CRTAC1: variants seen among roughly 807,000 people sequenced by gnomAD.
The protein encoded by CRTAC1 is acidic secreted protein in cartilage.
In CRTAC1, 37 loss-of-function variants were observed where a neutral mutation model predicts 67.8. The ratio of observed to expected loss-of-function variants is 0.55; its 90% CI spans 0.42 to 0.72. The LOEUF is 0.72. CRTAC1 is among the 30% of genes least tolerant of loss of function. The pLI is 0.00. For missense variants in CRTAC1, 780 were observed against 931.6 expected (o/e 0.84, Z 2.12); for synonymous variants, 348 against 371.0 (o/e 0.94, Z 0.71).
At chr10:98,013,520 T>C (rs1254564050) in intron 1 of CRTAC1, among the ~76,000 whole-genome samples, 4 of 152,330 alleles carry the variant, frequency 2.6e-5, no homozygotes, top group Admixed American at 2.0e-4. Flanking sequence ...TAAAGCAAGA[T>C]GAGAAAGAAA....
chr10:97,977,495 G>A (rs1334238145), intron 2 of CRTAC1, among the ~76,000 whole-genome samples: 1 of 150,456 alleles, frequency 6.6e-6, no homozygotes. Flanking sequence ...TGGTAACAGT[G>A]GCTACTGCAA....
At chr10:97,867,600 C>T (rs2050043559) in intron 14 of CRTAC1, 1 of 152,448 alleles carries the variant, frequency 6.6e-6, no homozygotes, top group Admixed American at 6.5e-5. Flanking sequence ...ACCGCAGCCC[C>T]TGGCCACGGC....
chr10:97,878,491 T>G, intron 14 of CRTAC1: 1 of 796,732 alleles, frequency 1.3e-6, no homozygotes, highest in South Asian at 2.3e-5. Flanking sequence ...GTTGCTGCAT[T>G]CTTAAGTGTA....
At chr10:97,923,106 A>G (rs2050864017) in intron 4 of CRTAC1, among the ~76,000 whole-genome samples, 158 bp downstream of exon 4, 1 of 152,186 alleles carries the variant, frequency 6.6e-6, no homozygotes, top group South Asian at 2.1e-4. Flanking sequence ...AAAGGTACAT[A>G]GGAATGCATT....
intron 2 of CRTAC1, among the ~76,000 whole-genome samples, chr10:97,999,575 G>A (rs528156819): frequency 2.0e-5 from 3 of 152,220 alleles, no homozygotes; most frequent in Admixed American, 6.5e-5. Context: ...CTTACAACCT[G>A]GGTGTCATGA....
At chr10:98,011,510 A>T (rs12244249) in intron 1 of CRTAC1, among the ~76,000 whole-genome samples, 173 bp from the exon 2 acceptor site, 1 of 122,998 alleles carries the variant, frequency 8.1e-6, no homozygotes, top group Non-Finnish European at 1.7e-5. Flanking sequence ...TGCCCTCCCC[A>T]CCCTCATTGA....
intron 4 of CRTAC1, among the ~76,000 whole-genome samples, 156 bp from the exon 5 acceptor site, chr10:97,917,812 A>G (rs933993931): frequency 6.6e-6 from 1 of 152,008 alleles, no homozygotes; most frequent in South Asian, 2.1e-4. Flanking sequence ...TGCATGGCGC[A>G]TTTCCAGAGG....
chr10:97,993,638 C>T (rs1264924106), intron 2 of CRTAC1, among the ~76,000 whole-genome samples: 1 of 152,144 alleles, frequency 6.6e-6, no homozygotes, highest in East Asian at 1.9e-4. Context: ...TTAAATCAAT[C>T]ACTCTGAGTA....
At position 98,030,419 on chromosome 10, in the gene CRTAC1, AG is replaced by A; in HGVS notation, c.24+29del. ...GAGCTGGAGAAACTTTCTCCGCCTTAGGGTGGGGGGCACCGGTGCAGATACT... is the reference window on the plus strand; with the variant it reads ...GAGCTGGAGAAACTTTCTCCGCCTTAGGTGGGGGGCACCGGTGCAGATACT... On this transcript the variant is annotated intron_variant, in intron 1 of 14. Transcript: ENST00000370597. This position sits in a 1 kb window ranked among gnomAD's most constrained non-coding sequence, Gnocchi z 4.2. The A allele has an allele frequency of 1.6e-6, 2 of 1,239,334 alleles. No homozygotes were observed. Among genetic ancestry groups the A allele is most frequent in the Non-Finnish European group, 2.0e-6 (2 of 979,570 alleles). The allele number at this position is 1,239,334 out of a possible 1,614,324, so 76.8% of individuals were successfully genotyped here.
intron 2 of CRTAC1, among the ~76,000 whole-genome samples, chr10:97,965,614 G>GT (rs897063991): frequency 6.6e-4 from 97 of 146,216 alleles, no homozygotes; most frequent in Admixed American, 1.6e-3. Flanking sequence ...TGGAGTTGTT[G>GT]TTTTTTTTTT....
chr10:97,912,488 A>T (rs1159931151), intron 5 of CRTAC1, among the ~76,000 whole-genome samples: 1 of 152,212 alleles, frequency 6.6e-6, no homozygotes, highest in Non-Finnish European at 1.5e-5. Flanking sequence ...GGTTGTCCTC[A>T]AGAACCATCC....
At chr10:97,914,096 TGCAGAGTTCCTGGG>T (rs1418427290) in intron 5 of CRTAC1, among the ~76,000 whole-genome samples, 1 of 152,270 alleles carries the variant, frequency 6.6e-6, no homozygotes, top group Admixed American at 6.5e-5. Flanking sequence ...GAGGCCAAAA[TGCAGAGTTCCTGGG>T]GAGGAGGCGA....
intron 6 of CRTAC1, among the ~76,000 whole-genome samples, chr10:97,907,238 C>G (rs549465): frequency 0.72 from 109,748 of 152,118 alleles, 40,603 homozygotes; most frequent in East Asian, 0.83. Flanking sequence ...GTGCATGCCA[C>G]GGGCAGCAGG....
At chr10:97,873,237 T>G (rs552829732) in intron 14 of CRTAC1, among the ~76,000 whole-genome samples, 10 of 152,162 alleles carry the variant, frequency 6.6e-5, no homozygotes, top group Non-Finnish European at 1.0e-4. Flanking sequence ...GGGAAAATTT[T>G]AAGGACAGTT....
At chr10:97,996,372 C>G (rs1842568665) in intron 2 of CRTAC1, among the ~76,000 whole-genome samples, 2 of 150,380 alleles carry the variant, frequency 1.3e-5, no homozygotes, top group African/African-American at 4.9e-5. Context: ...ACAATGAACT[C>G]AAACAAATTT....
intron 6 of CRTAC1, among the ~76,000 whole-genome samples, chr10:97,907,765 T>A (rs939273513): frequency 6.6e-6 from 1 of 152,254 alleles, no homozygotes; most frequent in Admixed American, 6.5e-5. Flanking sequence ...TCTCAGGTAC[T>A]GGAAGATGGC....
intron 2 of CRTAC1, among the ~76,000 whole-genome samples, chr10:97,962,905 A>T (rs2051551225): frequency 6.6e-6 from 1 of 152,034 alleles, no homozygotes; most frequent in Non-Finnish European, 1.5e-5. Context: ...ACAAAAAACA[A>T]AAAAAACAAA....
At chr10:97,892,020 C>G (rs1225217490) in intron 11 of CRTAC1, among the ~76,000 whole-genome samples, 1 of 152,152 alleles carries the variant, frequency 6.6e-6, no homozygotes, top group Non-Finnish European at 1.5e-5. Flanking sequence ...GAGTTCAGAC[C>G]AAGAACAAAT....
intron 2 of CRTAC1, among the ~76,000 whole-genome samples, chr10:97,949,343 G>A (rs911546381): frequency 5.9e-5 from 9 of 152,204 alleles, no homozygotes; most frequent in African/African-American, 2.2e-4. Context: ...ACCAGGAGGG[G>A]AGCAATCTGT....
Sources: gnomAD v4.1 joint callset for allele counts (sites outside exome capture counted in the v4.1 genomes callset) on GRCh38, gnomAD v4.1.1 for gene constraint, Gnocchi (gnomAD v3.1) non-coding constraint, MANE v1.5 for transcripts, NCBI Gene and HGNC (gene_info 2026-07-23, HGNC 2026-07-21) for gene names.